PARP8: variants seen among roughly 807,000 people sequenced by gnomAD.
The protein encoded by PARP8 is protein mono-ADP-ribosyltransferase PARP8.
PARP8 carries 51 observed loss-of-function variants against 124.1 expected under a neutral mutation model. The ratio of observed to expected loss-of-function variants is 0.41; its 90% CI spans 0.33 to 0.52. The LOEUF is 0.52. PARP8 is among the 20% of genes least tolerant of loss of function. The probability of loss-of-function intolerance (pLI) is 0.21; values close to 1 mark genes in which losing one functional copy is unlikely to be tolerated. For missense variants in PARP8, 860 were observed against 1,018.9 expected, an observed-to-expected ratio of 0.84 and a Z score of 2.12; for synonymous variants, 391 against 361.5, an observed-to-expected ratio of 1.08 and a Z score of -0.93.
At chr5:50,686,727 G>A (rs1751906807) in intron 2 of PARP8, among the ~76,000 whole-genome samples, 2 of 152,186 alleles carry the variant, frequency 1.3e-5, no homozygotes, top group South Asian at 2.1e-4. Flanking sequence ...CTGTGCACCT[G>A]CAGGCTCAAC....
In PARP8 at chr5:50,714,253, C is replaced by T. The variant is rs151264479; in HGVS notation, c.147-35898C>T. On this transcript the variant is annotated intron_variant, in intron 2 of 25. Transcript: ENST00000281631. ...CTTACACACAACAGCTCACCAACAC[C>T]GATTGCTGCTTGGCTCAACATAGAC... Among the ~76,000 whole-genome samples, 7 of 151,922 alleles carry T rather than the reference C, an allele frequency of 4.6e-5. No homozygotes were observed. The East Asian group carries it at 9.7e-4, about 21-fold the overall frequency.
chr5:50,774,259 A>G (rs1195183704), intron 7 of PARP8, among the ~76,000 whole-genome samples: 1 of 151,862 alleles, frequency 6.6e-6, no homozygotes, highest in Non-Finnish European at 1.5e-5. Flanking sequence ...CACGGTAACA[A>G]TCTGATCTCT....
chr5:50,743,416 G>A (rs1758248081), intron 2 of PARP8, among the ~76,000 whole-genome samples: 1 of 152,106 alleles, frequency 6.6e-6, no homozygotes, highest in African/African-American at 2.4e-5. Flanking sequence ...TAGCAAAGGT[G>A]AGCTTCTAGT....
chr5:50,828,148 C>A, intron 20 of PARP8, 92 bp downstream of exon 20: 1 of 1,165,014 alleles, frequency 8.6e-7, no homozygotes, highest in Non-Finnish European at 1.3e-6. Context: ...AGTAAATGAT[C>A]ATTCAGTAGA....
chr5:50,707,115 T>G (rs146386228), intron 2 of PARP8, among the ~76,000 whole-genome samples: 1 of 152,190 alleles, frequency 6.6e-6, no homozygotes, highest in East Asian at 1.9e-4. Context: ...TATAAAACCT[T>G]TTTTGTACAC....
chr5:50,704,334 T>C (rs112205911), intron 2 of PARP8, among the ~76,000 whole-genome samples: 4 of 152,302 alleles, frequency 2.6e-5, no homozygotes, highest in African/African-American at 9.6e-5. Flanking sequence ...CTATCTTCTG[T>C]CAGGACATAA....
At chr5:50,744,811 A>C (rs1758381539) in intron 2 of PARP8, 1 of 691,304 alleles carries the variant, frequency 1.4e-6, no homozygotes, top group Admixed American at 2.1e-5. Flanking sequence ...AACTTGCTCT[A>C]GATTTTGCTT....
At chr5:50,776,534 T>G (rs571452081) in intron 7 of PARP8, among the ~76,000 whole-genome samples, 9 of 152,326 alleles carry the variant, frequency 5.9e-5, no homozygotes, top group African/African-American at 2.2e-4. Context: ...TTTTATCCCT[T>G]TATGTAACAT....
At chr5:50,688,234 A>AT (rs1752091517) in intron 2 of PARP8, among the ~76,000 whole-genome samples, 1 of 152,108 alleles carries the variant, frequency 6.6e-6, no homozygotes, top group African/African-American at 2.4e-5. Context: ...TTTATAACTC[A>AT]TTTTTTTCCT....
intron 9 of PARP8, among the ~76,000 whole-genome samples, chr5:50,781,622 C>A (rs1370809847): frequency 1.3e-5 from 2 of 152,310 alleles, no homozygotes; most frequent in Admixed American, 6.5e-5. Context: ...ATTTCTGCAC[C>A]CTTGGCTGCT....
intron 2 of PARP8, among the ~76,000 whole-genome samples, chr5:50,740,817 G>GA (rs70972942): frequency 0.019 from 2,304 of 123,032 alleles, 56 homozygotes; most frequent in African/African-American, 0.061. Context: ...TTTCTCAAAA[G>GA]AAAAAAAAAA....
Position 50,795,218 on chromosome 5 carries a change from C to G in PARP8, c.1229C>G (p.Ser410Cys). Reference sequence around the variant, plus strand: ...AAGCCCCATAAACTGTTAAGCAGGTCTTACTCTAGTAATCTCAGAATGGAA... The same window carrying G: ...AAGCCCCATAAACTGTTAAGCAGGTGTTACTCTAGTAATCTCAGAATGGAA... ...NLKPHKLLSR[S>C]YSSNLRMEEL... The change falls in exon 12 of 26, where the codon TCT becomes TGT. Residue 410 changes from serine (S) to cysteine (C), a missense_variant. By Grantham distance (112) the Ser-to-Cys change is moderately radical (BLOSUM62 -1). Transcript: ENST00000281631. 6 of 1,614,188 alleles carry G rather than the reference C, an allele frequency of 3.7e-6. No individual in the cohort carries two copies. The highest frequency in any genetic ancestry group is 3.4e-6 in the Non-Finnish European group (4 of 1,180,034).
intron 7 of PARP8, among the ~76,000 whole-genome samples, chr5:50,777,029 G>C (rs1740109209): frequency 6.6e-6 from 1 of 152,250 alleles, no homozygotes; most frequent in African/African-American, 2.4e-5. Context: ...GCTGTGATGA[G>C]GACCTAATGA....
At chr5:50,750,573 T>C (rs1422693399) in intron 3 of PARP8, among the ~76,000 whole-genome samples, 1 of 152,162 alleles carries the variant, frequency 6.6e-6, no homozygotes, top group East Asian at 1.9e-4. Flanking sequence ...TGTGTGTGTA[T>C]CTATTTTTTC....
intron 2 of PARP8, among the ~76,000 whole-genome samples, chr5:50,713,719 G>A (rs1372031138): frequency 1.3e-5 from 2 of 152,032 alleles, no homozygotes; most frequent in African/African-American, 4.8e-5. Flanking sequence ...GAGATGGGGG[G>A]ATTACCTTGA....
intron 2 of PARP8, among the ~76,000 whole-genome samples, chr5:50,694,194 A>T (rs991041734): frequency 2.0e-5 from 3 of 152,214 alleles, no homozygotes; most frequent in African/African-American, 7.2e-5. Context: ...TATTACTAGA[A>T]GTGAAAATTC....
intron 2 of PARP8, among the ~76,000 whole-genome samples, chr5:50,741,421 T>C (rs1343286882): frequency 1.3e-5 from 2 of 152,180 alleles, no homozygotes; most frequent in Non-Finnish European, 2.9e-5. Context: ...AACCATTTTC[T>C]CACTTGCTTT....
intron 2 of PARP8, among the ~76,000 whole-genome samples, chr5:50,689,359 T>C (rs1329083024): frequency 3.3e-5 from 5 of 152,214 alleles, no homozygotes; most frequent in African/African-American, 1.2e-4. Flanking sequence ...TACTGAGGTT[T>C]ATTTCTTATT....
chr5:50,770,194 A>G (rs1761462584), intron 7 of PARP8, among the ~76,000 whole-genome samples: 1 of 151,998 alleles, frequency 6.6e-6, no homozygotes, highest in Admixed American at 6.6e-5. Flanking sequence ...TTATTATTCT[A>G]TATCTATTTT....
Sources: gnomAD v4.1 joint callset for allele counts (sites outside exome capture counted in the v4.1 genomes callset) on GRCh38, gnomAD v4.1.1 for gene constraint, MANE v1.5 for transcripts, NCBI Gene and HGNC (gene_info 2026-07-23, HGNC 2026-07-21) for gene names.